The following AMBRA1 variants were observed in gnomAD, a reference collection of about 807,000 sequenced individuals.
The protein encoded by AMBRA1 is autophagy and beclin 1 regulator 1.
In AMBRA1, 47 loss-of-function variants were observed where a neutral mutation model predicts 125.4. The ratio of observed to expected loss-of-function variants is 0.37; its 90% CI spans 0.30 to 0.48. The LOEUF (loss-of-function observed/expected upper bound fraction) is 0.48. Ranked by LOEUF, AMBRA1 falls within the 20% of genes least tolerant of loss-of-function variation. AMBRA1 has a pLI of 0.99. For missense variants in AMBRA1, 1,331 were observed against 1,693.4 expected, an observed-to-expected ratio of 0.79 and a Z score of 3.76; for synonymous variants, 626 against 655.5, an observed-to-expected ratio of 0.95 and a Z score of 0.69.
intron 1 of AMBRA1, among the ~76,000 whole-genome samples, chr11:46,575,017 T>TA (rs1204455423): frequency 6.6e-6 from 1 of 152,228 alleles, no homozygotes; most frequent in East Asian, 1.9e-4. Flanking sequence ...TCAATAAATA[T>TA]ATCTGAAGAT....
chr11:46,572,779 T>C (rs927378657), intron 1 of AMBRA1, among the ~76,000 whole-genome samples: 15 of 152,076 alleles, frequency 9.9e-5, no homozygotes, highest in Admixed American at 9.8e-4. Flanking sequence ...CACTGTACAT[T>C]TGTGGTCACC....
At chr11:46,536,782 C>G (rs1952498999) in intron 7 of AMBRA1, among the ~76,000 whole-genome samples, 9 of 152,204 alleles carry the variant, frequency 5.9e-5, no homozygotes, top group Admixed American at 5.9e-4. Flanking sequence ...AGCAATTCCC[C>G]CATAAAAGTC....
rs765442843 is a variant in AMBRA1, at chr11:46,542,173, T to G, written c.1844A>C (p.Gln615Pro). The G allele has an allele frequency of 5.0e-6, 8 of 1,613,588 alleles. No individual in the cohort carries two copies. In the African/African-American group the frequency reaches 1.1e-4, roughly 22 times the overall value. ...CTCAGTCCGCTCGAGAGGTGGCAAC[T>G]GGCTGCCACTTGATGGCACACTCTC... The part of the protein sequence containing the change: ...SFESVPSSGS[Q>P]LPPLERTEGQ... The change falls in exon 7 of 18, where the codon CAG becomes CCG. Residue 615 changes from glutamine to proline, a missense_variant. Physicochemically the swap from Gln to Pro is moderately conservative, Grantham distance 76. Coordinates refer to ENST00000683756, the MANE Select transcript of AMBRA1 (RefSeq NM_001387011.1). This position sits in a 1 kb window ranked among gnomAD's most constrained non-coding sequence, Gnocchi z 5.9.
chr11:46,507,654 T>C (rs1245918561), intron 9 of AMBRA1, among the ~76,000 whole-genome samples: 3 of 152,086 alleles, frequency 2.0e-5, no homozygotes, highest in African/African-American at 7.2e-5. Context: ...TTAAGGTTCC[T>C]GAATGGGGGG....
At chr11:46,586,860 A>C (rs2044421183) in intron 1 of AMBRA1, among the ~76,000 whole-genome samples, 1 of 152,088 alleles carries the variant, frequency 6.6e-6, no homozygotes, top group African/African-American at 2.4e-5. Flanking sequence ...GCTGCTATTC[A>C]AAAGTCTGGG....
chr11:46,424,030 T>C (rs1315272490), intron 14 of AMBRA1, among the ~76,000 whole-genome samples: 1 of 151,984 alleles, frequency 6.6e-6, no homozygotes, highest in African/African-American at 2.4e-5. Context: ...CCCAAAGTGT[T>C]GGGATTACAG....
At chr11:46,576,326 G>C (rs1020721265) in intron 1 of AMBRA1, among the ~76,000 whole-genome samples, 1 of 152,088 alleles carries the variant, frequency 6.6e-6, no homozygotes. Flanking sequence ...CGGGGTCTCC[G>C]TATGTTGCCA....
chr11:46,580,028 T>C (rs2044117497), intron 1 of AMBRA1, among the ~76,000 whole-genome samples: 1 of 152,186 alleles, frequency 6.6e-6, no homozygotes, highest in Admixed American at 6.5e-5. Context: ...ATGTCAATAA[T>C]CAAAATACAC....
At chr11:46,517,754 C>T (rs1951563903) in intron 7 of AMBRA1, among the ~76,000 whole-genome samples, 1 of 149,354 alleles carries the variant, frequency 6.7e-6, no homozygotes. Flanking sequence ...TCGCTTGAAC[C>T]CGGGAGGCAG....
chr11:46,543,284 G>A lies in AMBRA1; in HGVS notation c.733C>T (p.His245Tyr). ...RRTPLLHNFL[H>Y]MLSSRSSGIQ... is the part of the protein sequence containing the mutation. ...CCAGAAGAGCGGGAGGACAGCATGT[G>A]CAGGAAATTGTGGAGGAGAGGCGTC... Residue 245 changes from histidine (H) to tyrosine (Y), a missense_variant, in exon 7 of 18, where the codon CAC becomes TAC. His to Tyr is a moderately conservative substitution (Grantham distance 83). Coordinates refer to ENST00000683756, the MANE Select transcript of AMBRA1 (RefSeq NM_001387011.1). The A allele has an allele frequency of 6.2e-7, 1 of 1,614,062 alleles. No homozygotes were observed. The highest frequency in any genetic ancestry group is 8.5e-7 in the Non-Finnish European group (1 of 1,180,010).
chr11:46,562,360 C>T (rs1843817952), intron 1 of AMBRA1, among the ~76,000 whole-genome samples: 1 of 152,198 alleles, frequency 6.6e-6, no homozygotes, highest in South Asian at 2.1e-4. Flanking sequence ...CAGGTTGGTA[C>T]TAGCAGACCA....
intron 11 of AMBRA1, among the ~76,000 whole-genome samples, chr11:46,489,519 C>T (rs1950391801): frequency 6.6e-6 from 1 of 152,206 alleles, no homozygotes; most frequent in Non-Finnish European, 1.5e-5. Context: ...ACAAAGCCAT[C>T]TCTTGCTCAA....
intron 1 of AMBRA1, among the ~76,000 whole-genome samples, chr11:46,559,073 G>C (rs1244272061): frequency 1.3e-5 from 2 of 152,140 alleles, no homozygotes; most frequent in African/African-American, 4.8e-5. Flanking sequence ...GCTGAGTCGG[G>C]TGGATCACCT....
In AMBRA1 at chr11:46,508,257, G is replaced by T; in HGVS notation, c.2273C>A (p.Ser758Tyr). The change falls in exon 9 of 18, where the codon TCC (serine) becomes TAC (tyrosine). Residue 758 changes from serine (S) to tyrosine (Y), a missense_variant. Coordinates refer to ENST00000683756, the MANE Select transcript of AMBRA1 (RefSeq NM_001387011.1). ...ACCCTGGTTGTCTGAGGAAGAGGAG[G>T]AGGTGGAAGAACGGAGACGGTTCTG... ...YQQNRLRSST[S>Y]SSSSDNQGPS... 6.2e-7 allele frequency: 1 copy of T among 1,614,216 alleles called. No individual in the cohort carries two copies. Among genetic ancestry groups the T allele is most frequent in the Non-Finnish European group, 8.5e-7 (1 of 1,180,024 alleles).
rs34070050 is a variant in AMBRA1 at position 46,419,995 on chromosome 11, T to TACACACACACACACAC, written c.2977-1959_2977-1944dup. Among the ~76,000 whole-genome samples, 744 of 129,094 alleles carry TACACACACACACACAC rather than the reference T, an allele frequency of 5.8e-3. 19 individuals are homozygous for TACACACACACACACAC. Among genetic ancestry groups the TACACACACACACACAC allele is most frequent in the African/African-American group, 0.013 (449 of 33,382 alleles). 84.7% of individuals were successfully genotyped at this position (129,094 alleles called of 152,430 possible). ...AAAAGACAGCAGCACGTGTCCTCAA[T>TACACACACACACACAC]ACACACACACACACACACACACACA... On this transcript the variant is annotated intron_variant, in intron 14 of 17. Transcript: ENST00000683756.
intron 12 of AMBRA1, among the ~76,000 whole-genome samples, chr11:46,435,252 G>T (rs527859707): frequency 1.3e-5 from 2 of 152,262 alleles, no homozygotes; most frequent in South Asian, 4.2e-4. Context: ...GAAACTATAG[G>T]ATAGTCAACA....
intron 1 of AMBRA1, chr11:46,590,992 T>C (rs1270658832): frequency 6.6e-6 from 1 of 152,108 alleles, no homozygotes; most frequent in African/African-American, 2.4e-5. Context: ...GTTGATTAAG[T>C]TGATAAGCTC....
rs1368360565 is a variant in AMBRA1, at chr11:46,410,332, C to T, written c.3153G>A (p.Gln1051=). 1.2e-6 allele frequency: 2 copies of T among 1,613,840 alleles called. No individual in the cohort carries two copies. Among genetic ancestry groups the T allele is most frequent in the African/African-American group, 2.7e-5 (2 of 74,918 alleles). The change falls in exon 16 of 18, where the codon CAG becomes CAA. Residue 1051 remains glutamine (Q), a synonymous_variant. Transcript: ENST00000683756. Reference sequence around the variant, plus strand: ...GGACAGTGAAGACCGTCTCGTTCAGCTGGTCCCAGTAGTACTCAACACCAG... The same window carrying T: ...GGACAGTGAAGACCGTCTCGTTCAGTTGGTCCCAGTAGTACTCAACACCAG... ...LNSGVEYYWD[Q]LNETVFTVHS...
chr11:46,435,617 C>T (rs1001102961), intron 12 of AMBRA1, among the ~76,000 whole-genome samples: 7 of 152,232 alleles, frequency 4.6e-5, no homozygotes, highest in Non-Finnish European at 1.0e-4. Context: ...TCTAACTCTA[C>T]CAAGAGAGGA....
Sources: gnomAD v4.1 joint callset for allele counts (sites outside exome capture counted in the v4.1 genomes callset) on GRCh38, gnomAD v4.1.1 for gene constraint, Gnocchi (gnomAD v3.1) non-coding constraint, MANE v1.5 for transcripts, NCBI Gene and HGNC (gene_info 2026-07-23, HGNC 2026-07-21) for gene names.